Variants in KCNAB1 observed in about 807,000 individuals in gnomAD.
The protein encoded by KCNAB1 is potassium voltage-gated channel subfamily A regulatory beta subunit 1.
KCNAB1 carries 35 observed loss-of-function variants against 64.6 expected under a neutral mutation model. The ratio of observed to expected loss-of-function variants is 0.54; its 90% CI spans 0.41 to 0.72. KCNAB1 has a LOEUF of 0.72. Ranked by LOEUF, KCNAB1 falls within the 30% of genes least tolerant of loss-of-function variation. KCNAB1 has a pLI of 0.00. For synonymous variants in KCNAB1, 177 were observed against 183.8 expected (o/e 0.96, Z 0.30); for missense variants, 401 against 512.9 (o/e 0.78, Z 2.11).
At chr3:156,458,307 G>C (rs920530398) in intron 4 of KCNAB1, among the ~76,000 whole-genome samples, 1 of 152,170 alleles carries the variant, frequency 6.6e-6, no homozygotes, top group African/African-American at 2.4e-5. Context: ...AGCCTAACCA[G>C]CACATTTCAG....
intron 2 of KCNAB1, among the ~76,000 whole-genome samples, chr3:156,443,256 C>G (rs971655753): frequency 6.6e-6 from 1 of 152,008 alleles, no homozygotes; most frequent in Non-Finnish European, 1.5e-5. Flanking sequence ...AATGGGAACA[C>G]GAAGCTTATC....
At chr3:156,397,512 G>C (rs1461950795) in intron 1 of KCNAB1, among the ~76,000 whole-genome samples, 2 of 152,172 alleles carry the variant, frequency 1.3e-5, no homozygotes, top group African/African-American at 2.4e-5. Context: ...AATTATTGAA[G>C]TTTTCAATGC....
intron 1 of KCNAB1, among the ~76,000 whole-genome samples, chr3:156,353,943 T>A (rs942063943): frequency 6.6e-6 from 1 of 151,888 alleles, no homozygotes; most frequent in South Asian, 2.1e-4. Flanking sequence ...GCAGAAGCTA[T>A]TTGTGTGACA....
At chr3:156,447,519 A>G (rs1214533713) in intron 2 of KCNAB1, among the ~76,000 whole-genome samples, 2 of 152,174 alleles carry the variant, frequency 1.3e-5, no homozygotes, top group African/African-American at 4.8e-5. Context: ...TTGCATTTAC[A>G]TATTCTCTTC....
At chr3:156,342,405 C>G (rs148158719) in intron 1 of KCNAB1, among the ~76,000 whole-genome samples, 3 of 152,094 alleles carry the variant, frequency 2.0e-5, no homozygotes, top group Non-Finnish European at 4.4e-5. Flanking sequence ...ATCTCAATGC[C>G]TAGCCATGGC....
chr3:156,186,531 A>C (rs528039359), intron 1 of KCNAB1, among the ~76,000 whole-genome samples: 1 of 152,018 alleles, frequency 6.6e-6, no homozygotes, highest in Non-Finnish European at 1.5e-5. Flanking sequence ...AGCCTGTGCA[A>C]GTGTTTCCTT....
chr3:156,487,633 G>A (rs1715309600), intron 8 of KCNAB1, among the ~76,000 whole-genome samples: 1 of 152,098 alleles, frequency 6.6e-6, no homozygotes, highest in African/African-American at 2.4e-5. Context: ...CATTTTGTTT[G>A]TTTTTAAGGG....
In KCNAB1 at chr3:156,267,990, A is replaced by G. The variant is rs113767702; in HGVS notation, c.275+147104A>G. On this transcript the variant is annotated intron_variant, in intron 1 of 13. Coordinates refer to ENST00000490337, the MANE Select transcript of KCNAB1 (RefSeq NM_172160.3). ...ATACTAGATCTTCTTCATTCTTTCT[A>G]TTTTTTTTAATCCATTAGCCACCCC... Among the ~76,000 whole-genome samples the G allele has an allele frequency of 5.6e-3, 848 of 151,208 alleles. 9 individuals carry two copies. Among genetic ancestry groups the G allele is most frequent in the South Asian group, 0.016 (78 of 4,748 alleles).
At chr3:156,126,973 G>C (rs1158056516) in intron 1 of KCNAB1, among the ~76,000 whole-genome samples, 1 of 152,216 alleles carries the variant, frequency 6.6e-6, no homozygotes, top group Non-Finnish European at 1.5e-5. Context: ...GATGCCAAAA[G>C]TAGGGATGCC....
chr3:156,509,535 A>G (rs1489088955), intron 8 of KCNAB1, among the ~76,000 whole-genome samples: 1 of 152,184 alleles, frequency 6.6e-6, no homozygotes, highest in East Asian at 1.9e-4. Context: ...CTCACCCCCA[A>G]GAGATTCTAA....
chr3:156,160,906 A>C (rs1716037374), intron 1 of KCNAB1, among the ~76,000 whole-genome samples: 1 of 152,188 alleles, frequency 6.6e-6, no homozygotes, highest in South Asian at 2.1e-4. Context: ...TGAAGGAAGG[A>C]GGCAGAAGGG....
chr3:156,315,046 T>G (rs1722185304), intron 1 of KCNAB1, among the ~76,000 whole-genome samples: 1 of 152,034 alleles, frequency 6.6e-6, no homozygotes, highest in Non-Finnish European at 1.5e-5. Context: ...TTTTCTCGGG[T>G]CTCCAAAAAA....
intron 1 of KCNAB1, among the ~76,000 whole-genome samples, chr3:156,279,832 A>C (rs1719584801): frequency 6.6e-6 from 1 of 151,044 alleles, no homozygotes; most frequent in South Asian, 2.1e-4. Context: ...TTTTCTTGTA[A>C]ATTTGTTTGA....
chr3:156,469,411 C>T (rs1713707043), intron 7 of KCNAB1, among the ~76,000 whole-genome samples: 1 of 151,870 alleles, frequency 6.6e-6, no homozygotes, highest in South Asian at 2.1e-4. Flanking sequence ...CATGTGCCAC[C>T]GTGCCCAGCT....
At chr3:156,507,361 CAAT>C (rs1403728656) in intron 8 of KCNAB1, among the ~76,000 whole-genome samples, 7 of 152,088 alleles carry the variant, frequency 4.6e-5, no homozygotes, top group Non-Finnish European at 7.4e-5. Flanking sequence ...CAAAAAAAAA[CAAT>C]GTCTCCTGCA....
In KCNAB1 at chr3:156,536,795, G is replaced by A. The variant is rs756372220; in HGVS notation, c.*48G>A. 10 of 1,298,210 alleles carry A rather than the reference G, an allele frequency of 7.7e-6. No individual in the cohort carries two copies. Among genetic ancestry groups the A allele is most frequent in the Non-Finnish European group, 1.1e-5 (10 of 893,356 alleles). The allele number at this position is 1,298,210 out of a possible 1,614,324, so 80.4% of individuals were successfully genotyped here. On this transcript the variant is annotated 3_prime_UTR_variant, in exon 14 of 14. Coordinates refer to ENST00000490337, the MANE Select transcript of KCNAB1 (RefSeq NM_172160.3). ...CTGCATGGTTAAAATAGCGGCCTGT[G>A]CCCAGTACAGAAAGGTGTTACTAAC...
intron 1 of KCNAB1, among the ~76,000 whole-genome samples, chr3:156,310,035 A>G (rs966775792): frequency 6.6e-6 from 1 of 152,194 alleles, no homozygotes; most frequent in African/African-American, 2.4e-5. Context: ...AGCAGAATCA[A>G]TCTTGGCACC....
rs1348873272 is a variant in KCNAB1, at chr3:156,537,953, CA to C, written c.*1207del. 1 of 152,150 alleles carries C rather than the reference CA, an allele frequency of 6.6e-6. No homozygotes were observed. The highest frequency in any genetic ancestry group is 2.4e-5 in the African/African-American group (1 of 41,414). 9.4% of individuals were successfully genotyped at this position (152,150 alleles called of 1,614,324 possible). On this transcript the variant is annotated 3_prime_UTR_variant, in exon 14 of 14. Transcript: ENST00000490337. Reference sequence around the variant, plus strand: ...AAGAAAGAACTTCTGGTTCTATAATCATATTATATGCACTAAACTATATGCA... The same window carrying C: ...AAGAAAGAACTTCTGGTTCTATAATCTATTATATGCACTAAACTATATGCA...
chr3:156,461,230 T>C (rs1278546766), intron 5 of KCNAB1, among the ~76,000 whole-genome samples: 1 of 152,200 alleles, frequency 6.6e-6, no homozygotes, highest in African/African-American at 2.4e-5. Context: ...AGAAATTTAT[T>C]CTTGCATGTT....
Sources: allele counts gnomAD v4.1 joint callset (sites outside exome capture counted in the v4.1 genomes callset), GRCh38; gene constraint gnomAD v4.1.1; transcripts MANE v1.5; gene names NCBI Gene and HGNC (gene_info 2026-07-23, HGNC 2026-07-21).